Variants in FMN2 observed in about 807,000 individuals in gnomAD.
FMN2 encodes formin-2.
Under a neutral mutation model 142.3 loss-of-function variants are expected in FMN2, and 51 were observed. The observed-to-expected ratio is 0.36, with a 90% CI of 0.29 to 0.45. The LOEUF (loss-of-function observed/expected upper bound fraction) is 0.45. Among genes scored for constraint, FMN2 ranks in the 20% least tolerant of loss-of-function variants. The pLI is 1.00. For missense variants in FMN2, 1,936 were observed against 2,122.8 expected (o/e 0.91, Z 1.73); for synonymous variants, 882 against 869.8 (o/e 1.01, Z -0.25).
At chr1:240,134,056 T>C (rs1165574147) in intron 2 of FMN2, among the ~76,000 whole-genome samples, 1 of 152,234 alleles carries the variant, frequency 6.6e-6, no homozygotes, top group Non-Finnish European at 1.5e-5. Context: ...TGGAGTTGTT[T>C]TGAAGATTAA....
chr1:240,376,916 T>C lies in FMN2; in HGVS notation c.4859-15595T>C, dbSNP rs188000135. 2.9e-4 allele frequency among the ~76,000 whole-genome samples: 44 copies of C among 152,308 alleles called. No homozygotes were observed. In the East Asian group the frequency reaches 4.6e-3, roughly 16 times the overall value. ...CTATCTTCAAATAGTATTACACAAC[T>C]TCACAGGTGATGTCAGAACTCTACA... On this transcript the variant is annotated intron_variant, in intron 14 of 17. Transcript: ENST00000319653.
chr1:240,095,643 G>A (rs1661170860), intron 1 of FMN2, among the ~76,000 whole-genome samples: 1 of 152,124 alleles, frequency 6.6e-6, no homozygotes, highest in Non-Finnish European at 1.5e-5. Flanking sequence ...TATCTGCTTG[G>A]TGGCAAGGGG....
Position 240,361,154 on chromosome 1 carries a change from T to A in FMN2, c.4858+5246T>A, listed in dbSNP as rs1339538105. On this transcript the variant is annotated intron_variant, in intron 14 of 17. Coordinates refer to ENST00000319653, the MANE Select transcript of FMN2 (RefSeq NM_020066.5). ...ATAAATATATGTGTATATATATATATATATATATATATATATATATATATA... is the reference window on the plus strand; with the variant it reads ...ATAAATATATGTGTATATATATATAAATATATATATATATATATATATATA... 3.1e-3 allele frequency among the ~76,000 whole-genome samples: 92 copies of A among 29,472 alleles called. 1 individual carries two copies. Among genetic ancestry groups the A allele is most frequent in the African/African-American group, 0.015 (31 of 2,064 alleles). 19.3% of individuals were successfully genotyped at this position (29,472 alleles called of 152,430 possible).
In FMN2 at chr1:240,208,540, C is replaced by T. The variant is rs1666542714; in HGVS notation, c.3728C>T (p.Pro1243Leu). The T allele has an allele frequency of 6.2e-7, 1 of 1,613,226 alleles. No individual in the cohort carries two copies. The highest frequency in any genetic ancestry group is 8.5e-7 in the Non-Finnish European group (1 of 1,179,902). The change falls in exon 5 of 18, where the codon CCT becomes CTT. Residue 1243 changes from proline (P) to leucine (L), a missense_variant. Physicochemically the swap from Pro to Leu is moderately conservative, Grantham distance 98. Transcript: ENST00000319653. ...PPPPLLPVSG[P>L]PLLPQVGSST... The stretch of plus-strand genomic sequence containing the variant: ...CCCCCTCTGCTTCCTGTATCAGGCC[C>T]TCCACTCCTCCCACAAGTTGGGAGT...
chr1:240,459,718 A>T (rs186131854), intron 16 of FMN2, among the ~76,000 whole-genome samples: 5,202 of 15,472 alleles, frequency 0.34, 316 homozygotes, highest in Middle Eastern at 0.56. Context: ...CTCTGTCTCT[A>T]AAAAAAAAAA....
intron 15 of FMN2, among the ~76,000 whole-genome samples, chr1:240,435,783 C>T (rs540103166): frequency 3.0e-4 from 46 of 152,264 alleles, no homozygotes; most frequent in Admixed American, 2.4e-3. Flanking sequence ...CATACTACCT[C>T]GTGATAAAAC....
At chr1:240,158,181 G>T (rs1452540288) in intron 2 of FMN2, among the ~76,000 whole-genome samples, 1 of 151,816 alleles carries the variant, frequency 6.6e-6, no homozygotes, top group African/African-American at 2.4e-5. Context: ...TAATCCAGCC[G>T]GAATGCCAAG....
chr1:240,139,486 G>C (rs1663087204), intron 2 of FMN2, among the ~76,000 whole-genome samples: 1 of 152,098 alleles, frequency 6.6e-6, no homozygotes, highest in African/African-American at 2.4e-5. Context: ...AGTGCCAGTA[G>C]AATGGGAAGC....
chr1:240,261,892 G>A (rs1428756161), intron 7 of FMN2, among the ~76,000 whole-genome samples: 3 of 152,092 alleles, frequency 2.0e-5, no homozygotes. Flanking sequence ...GTGGTTTATA[G>A]TAATTTGAAG....
At chr1:240,179,659 G>A (rs1373307781) in intron 3 of FMN2, 1 of 152,170 alleles carries the variant, frequency 6.6e-6, no homozygotes, top group Non-Finnish European at 1.5e-5. Flanking sequence ...TGAAAATCAA[G>A]CAAGTAAAAG....
chr1:240,469,686 G>A (rs1356574053), intron 16 of FMN2, among the ~76,000 whole-genome samples: 1 of 152,168 alleles, frequency 6.6e-6, no homozygotes, highest in Non-Finnish European at 1.5e-5. Flanking sequence ...GCTTACTCCA[G>A]AAAGATCTCT....
At chr1:240,252,115 GC>G (rs1324247807) in intron 6 of FMN2, among the ~76,000 whole-genome samples, 3 of 151,992 alleles carry the variant, frequency 2.0e-5, no homozygotes, top group Non-Finnish European at 4.4e-5. Flanking sequence ...CACCATTTCG[GC>G]CAGGTTGGTC....
chr1:240,452,064 A>AGGGTG (rs1558115076), intron 16 of FMN2, among the ~76,000 whole-genome samples: 2 of 151,896 alleles, frequency 1.3e-5, no homozygotes, highest in African/African-American at 4.8e-5. Context: ...GGTGGCACTC[A>AGGGTG]CCTGTAGTCC....
chr1:240,103,035 T>C (rs1426085110), intron 1 of FMN2, among the ~76,000 whole-genome samples: 2 of 152,054 alleles, frequency 1.3e-5, no homozygotes, highest in African/African-American at 4.8e-5. Context: ...CGGCCGATTT[T>C]TGCATTTTTT....
intron 7 of FMN2, among the ~76,000 whole-genome samples, chr1:240,277,533 T>C (rs1159374872): frequency 1.7e-5 from 2 of 118,332 alleles, no homozygotes; most frequent in East Asian, 2.8e-4. Flanking sequence ...TTCTTTTTTT[T>C]TTTTTTTTTT....
chr1:240,206,775 G>C (rs771797742), intron 4 of FMN2, 24 bp from the exon 5 acceptor site: 2 of 1,593,626 alleles, frequency 1.3e-6, no homozygotes, highest in Admixed American at 3.4e-5. Context: ...ATAACTAACT[G>C]TGTCTGTCCT....
chr1:240,181,284 G>A (rs181152668), intron 3 of FMN2, among the ~76,000 whole-genome samples: 113 of 152,220 alleles, frequency 7.4e-4, no homozygotes, highest in African/African-American at 2.5e-3. Flanking sequence ...GATTACAGGC[G>A]TGAGCCACTG....
intron 1 of FMN2, among the ~76,000 whole-genome samples, chr1:240,116,760 A>G (rs79590932): frequency 0.024 from 3,589 of 152,174 alleles, 149 homozygotes; most frequent in African/African-American, 0.081. Context: ...TATCTTTAAA[A>G]AAAAAAAATG....
intron 8 of FMN2, among the ~76,000 whole-genome samples, chr1:240,314,660 G>A (rs1670709694): frequency 6.6e-6 from 1 of 152,094 alleles, no homozygotes; most frequent in Admixed American, 6.5e-5. Flanking sequence ...TTTTCCTCAT[G>A]TTTTCAGTTC....
Sources: allele counts gnomAD v4.1 joint callset (sites outside exome capture counted in the v4.1 genomes callset), GRCh38; gene constraint gnomAD v4.1.1; transcripts MANE v1.5; gene names NCBI Gene and HGNC (gene_info 2026-07-23, HGNC 2026-07-21).